ADAMTSL1: variants seen among roughly 807,000 people sequenced by gnomAD.
ADAMTSL1 encodes ADAMTS like 1.
A neutral mutation model predicts 201.8 loss-of-function variants in ADAMTSL1; 126 were observed. The observed-to-expected ratio is 0.62, with a 90% CI of 0.54 to 0.72. ADAMTSL1 has a LOEUF of 0.72. Among genes scored for constraint, ADAMTSL1 ranks in the 30% least tolerant of loss-of-function variants. ADAMTSL1 has a pLI of 0.00. For synonymous variants in ADAMTSL1, 1,121 were observed against 903.4 expected, an observed-to-expected ratio of 1.24 and a Z score of -4.32; for missense variants, 2,679 against 2,277.8, an observed-to-expected ratio of 1.18 and a Z score of -3.59.
intron 8 of ADAMTSL1, 142 bp downstream of exon 8, chr9:18,657,892 GAGGCCCTCCTGTA>G: frequency 1.5e-6 from 1 of 661,324 alleles, no homozygotes; most frequent in Non-Finnish European, 2.6e-6. Context: ...GTGGAATCTC[GAGGCCCTCCTGTA>G]AGGCAGATAC....
intron 1 of ADAMTSL1, among the ~76,000 whole-genome samples, chr9:17,954,817 G>T (rs1235565456): frequency 2.0e-5 from 3 of 152,092 alleles, no homozygotes; most frequent in Non-Finnish European, 4.4e-5. Flanking sequence ...ACATAAAATG[G>T]AAATCACTCT....
chr9:18,539,814 T>A (rs1820015446), intron 3 of ADAMTSL1, among the ~76,000 whole-genome samples: 1 of 152,208 alleles, frequency 6.6e-6, no homozygotes, highest in Non-Finnish European at 1.5e-5. Context: ...CATTGTTTTT[T>A]CAAATGGCTA....
intron 7 of ADAMTSL1, among the ~76,000 whole-genome samples, chr9:18,642,460 G>A (rs1421240478): frequency 6.6e-6 from 1 of 151,700 alleles, no homozygotes; most frequent in African/African-American, 2.4e-5. Context: ...TCTATCTCTT[G>A]GCAACTTTCA....
intron 1 of ADAMTSL1, among the ~76,000 whole-genome samples, chr9:18,089,834 T>A (rs78542921): frequency 0.053 from 8,045 of 152,268 alleles, 266 homozygotes; most frequent in African/African-American, 0.091. Context: ...ATCTGCTGTA[T>A]AAGATCCTGC....
At chr9:18,465,003 C>T (rs1175702555) in intron 2 of ADAMTSL1, among the ~76,000 whole-genome samples, 2 of 152,168 alleles carry the variant, frequency 1.3e-5, no homozygotes, top group African/African-American at 4.8e-5. Flanking sequence ...CAACATATTT[C>T]TTGTATTTGA....
chr9:18,648,813 C>G (rs1436457122), intron 7 of ADAMTSL1, among the ~76,000 whole-genome samples: 4 of 151,928 alleles, frequency 2.6e-5, no homozygotes, highest in Admixed American at 6.6e-5. Flanking sequence ...CTCTGGCTGC[C>G]CTTAACATTT....
chr9:18,545,606 C>T (rs1308368060), intron 3 of ADAMTSL1, among the ~76,000 whole-genome samples: 1 of 152,120 alleles, frequency 6.6e-6, no homozygotes, highest in African/African-American at 2.4e-5. Flanking sequence ...TTGCTGAAAA[C>T]ATCTCTAATT....
At chr9:18,825,509 C>A (rs191246085) in intron 21 of ADAMTSL1, among the ~76,000 whole-genome samples, 1 of 152,192 alleles carries the variant, frequency 6.6e-6, no homozygotes. Context: ...AGAGTGTCAA[C>A]TCCAGTAGCA....
intron 9 of ADAMTSL1, among the ~76,000 whole-genome samples, chr9:18,667,650 C>T (rs1345199045): frequency 6.6e-6 from 1 of 152,102 alleles, no homozygotes; most frequent in East Asian, 1.9e-4. Context: ...ATGATAAGCG[C>T]TCAATAAATG....
intron 7 of ADAMTSL1, among the ~76,000 whole-genome samples, chr9:18,653,318 A>G (rs776783): frequency 0.094 from 14,318 of 152,200 alleles, 1,382 homozygotes; most frequent in African/African-American, 0.25. Flanking sequence ...CACTGGGACA[A>G]TCCTTCAGGA....
At chr9:18,281,313 G>C (rs1005690035) in intron 2 of ADAMTSL1, among the ~76,000 whole-genome samples, 1 of 152,128 alleles carries the variant, frequency 6.6e-6, no homozygotes, top group African/African-American at 2.4e-5. Flanking sequence ...GACTATGGAG[G>C]ATTCACCACC....
intron 2 of ADAMTSL1, among the ~76,000 whole-genome samples, chr9:18,464,278 C>T (rs373632079): frequency 6.6e-6 from 1 of 152,156 alleles, no homozygotes; most frequent in Non-Finnish European, 1.5e-5. Flanking sequence ...AATACAACCC[C>T]TCTCCCTTCT....
rs200536200 is a variant in ADAMTSL1 at position 18,777,793 on chromosome 9, G to A, written c.3564G>A (p.Thr1188=). The A allele has an allele frequency of 3.7e-5, 59 of 1,613,772 alleles. No homozygotes were observed. In the Admixed American group the frequency reaches 7.8e-4, roughly 21 times the overall value. The change falls in exon 19 of 29, where the codon ACG becomes ACA. Residue 1188 remains threonine, a synonymous_variant. Coordinates refer to ENST00000380548, the MANE Select transcript of ADAMTSL1 (RefSeq NM_001040272.6). Reference sequence around the variant, plus strand: ...AGGTGGTCACCCACCTGGGGCAGACGGTGGCCCTGGCCAGCGGGACACTGA... The same window carrying A: ...AGGTGGTCACCCACCTGGGGCAGACAGTGGCCCTGGCCAGCGGGACACTGA... The part of the protein sequence containing the change: ...ASEVVTHLGQ[T]VALASGTLSV...
At chr9:18,318,104 G>A (rs1331070985) in intron 2 of ADAMTSL1, among the ~76,000 whole-genome samples, 4 of 152,162 alleles carry the variant, frequency 2.6e-5, no homozygotes, top group Non-Finnish European at 5.9e-5. Flanking sequence ...GATGACTAAT[G>A]TAAAGCATGT....
At chr9:18,315,219 C>T (rs1182912061) in intron 2 of ADAMTSL1, among the ~76,000 whole-genome samples, 1 of 152,118 alleles carries the variant, frequency 6.6e-6, no homozygotes, top group Non-Finnish European at 1.5e-5. Flanking sequence ...AAATCTTGAG[C>T]TAGACACGAA....
chr9:18,881,273 T>G (rs1828518768), intron 23 of ADAMTSL1, among the ~76,000 whole-genome samples: 1 of 152,242 alleles, frequency 6.6e-6, no homozygotes, highest in East Asian at 1.9e-4. Context: ...AAGAGACCTG[T>G]CTTGGCTTTT....
intron 2 of ADAMTSL1, among the ~76,000 whole-genome samples, chr9:18,359,460 A>G (rs143322867): frequency 2.6e-5 from 4 of 152,344 alleles, no homozygotes; most frequent in Non-Finnish European, 5.9e-5. Flanking sequence ...TTAAAGGAGA[A>G]CAAAGTGAGG....
At chr9:18,544,544 G>A (rs1231588013) in intron 3 of ADAMTSL1, among the ~76,000 whole-genome samples, 1 of 152,020 alleles carries the variant, frequency 6.6e-6, no homozygotes, top group Admixed American at 6.6e-5. Flanking sequence ...TCATCCCATG[G>A]AGACCACGAG....
At chr9:18,115,282 A>T (rs1359507100) in intron 1 of ADAMTSL1, among the ~76,000 whole-genome samples, 1 of 152,158 alleles carries the variant, frequency 6.6e-6, no homozygotes. Context: ...ACTAAACCTT[A>T]CTTGGCTGAC....
Sources: gnomAD v4.1 joint callset for allele counts (sites outside exome capture counted in the v4.1 genomes callset) on GRCh38, gnomAD v4.1.1 for gene constraint, MANE v1.5 for transcripts, NCBI Gene and HGNC (gene_info 2026-07-23, HGNC 2026-07-21) for gene names.